N4BP2: variants seen among roughly 807,000 people sequenced by gnomAD.
N4BP2 encodes NEDD4-binding protein 2.
N4BP2 carries 91 observed loss-of-function variants against 152.8 expected under a neutral mutation model. The observed-to-expected ratio is 0.60, with a 90% CI of 0.50 to 0.71. The LOEUF (loss-of-function observed/expected upper bound fraction) is 0.71. N4BP2 is among the 30% of genes least tolerant of loss of function. The pLI, the probability that N4BP2 is intolerant of heterozygous loss-of-function variation, is 0.00. For synonymous variants in N4BP2, 646 were observed against 705.3 expected (o/e 0.92, Z 1.33); for missense variants, 1,923 against 2,059.1 (o/e 0.93, Z 1.28).
rs865810469 is a variant in N4BP2, at chr4:40,091,330, C to T, written c.-114-5897C>T. Among the ~76,000 whole-genome samples, 4 of 151,986 alleles carry T rather than the reference C, an allele frequency of 2.6e-5. No individual in the cohort carries two copies. The South Asian group carries it at 8.3e-4, about 32-fold the overall frequency. On this transcript the variant is annotated intron_variant, in intron 2 of 17. Transcript: ENST00000261435. ...AAAATTGGTGAGAGTAGATATCTTG[C>T]CTTTTTCCTGATGTTAGGAGGAAAG...
chr4:40,176,877 C>T, the N4BP2 span, among the ~76,000 whole-genome samples: 1 of 152,202 alleles, frequency 6.6e-6, no homozygotes, highest in Non-Finnish European at 1.5e-5. Flanking sequence ...GTGCGGGAAG[C>T]GCTCTAGCAG....
At position 40,121,358 on chromosome 4, in the gene N4BP2, C is replaced by A. The variant is rs1717891228; in HGVS notation, c.3247C>A (p.Leu1083Ile). 6.2e-7 allele frequency: 1 copy of A among 1,613,532 alleles called. No individual in the cohort carries two copies. The highest frequency in any genetic ancestry group is 1.7e-5 in the Admixed American group (1 of 59,874). ...AAGCACGTTTGTTGAAGAAAGTGAG[C>A]TTACCAGTGCAGATGAATCTGAAAA... is the stretch of plus-strand genomic sequence containing the variant. The part of the protein sequence containing the change: ...DKSTFVEESE[L>I]TSADESENLN... The change falls in exon 9 of 18, where the codon CTT (leucine) becomes ATT (isoleucine). Residue 1083 changes from leucine to isoleucine, a missense_variant. Leu to Ile is a conservative substitution (Grantham distance 5, BLOSUM62 2). Coordinates refer to ENST00000261435, the MANE Select transcript of N4BP2 (RefSeq NM_018177.6).
intron 16 of N4BP2, among the ~76,000 whole-genome samples, chr4:40,148,707 C>T (rs1459428420): frequency 6.6e-6 from 1 of 152,108 alleles, no homozygotes; most frequent in East Asian, 1.9e-4. Context: ...TTAGACTGGT[C>T]TCGAACTTCT....
chr4:40,069,910 G>A (rs762676633), intron 1 of N4BP2, among the ~76,000 whole-genome samples: 3 of 152,040 alleles, frequency 2.0e-5, no homozygotes, highest in Non-Finnish European at 4.4e-5. Context: ...GTGAGACCCT[G>A]TCTCTTAAAA....
Position 40,157,892 on chromosome 4 carries a change from T to G in N4BP2, c.*3655T>G, listed in dbSNP as rs1294382275. ...AATAGAGAAACAAGGCTAGAACACA[T>G]CTACATCCTGAAGAGCCGTTTATAA... On this transcript the variant is annotated 3_prime_UTR_variant, in exon 18 of 18. Coordinates refer to ENST00000261435, the MANE Select transcript of N4BP2 (RefSeq NM_018177.6). 3 of 152,190 alleles carry G rather than the reference T, an allele frequency of 2.0e-5. No homozygotes were observed. The highest frequency in any genetic ancestry group is 4.4e-5 in the Non-Finnish European group (3 of 68,022). The allele number at this position is 152,190 out of a possible 1,614,324, so 9.4% of individuals were successfully genotyped here.
chr4:40,091,965 G>C (rs1426192919), intron 2 of N4BP2, among the ~76,000 whole-genome samples: 3 of 97,650 alleles, frequency 3.1e-5, no homozygotes, highest in African/African-American at 8.0e-5. Context: ...CTGGGTGATA[G>C]AGCAAGACCT....
chr4:40,137,440 T>A lies in N4BP2; in HGVS notation c.4785+358T>A, dbSNP rs1254267655. On this transcript the variant is annotated intron_variant, in intron 14 of 17. Coordinates refer to ENST00000261435, the MANE Select transcript of N4BP2 (RefSeq NM_018177.6). The stretch of plus-strand genomic sequence containing the variant: ...GAAAGTGCCAAATTTTTTCCCAAAG[T>A]GGCTCTACCATTTTATATTTCCACT... 2.0e-5 allele frequency among the ~76,000 whole-genome samples: 3 copies of A among 152,210 alleles called. No individual in the cohort carries two copies. The East Asian group carries it at 5.8e-4, about 29-fold the overall frequency.
downstream of N4BP2, among the ~76,000 whole-genome samples, chr4:40,159,762 TAGC>T (rs1307875724): frequency 6.6e-6 from 1 of 152,234 alleles, no homozygotes; most frequent in Non-Finnish European, 1.5e-5. Flanking sequence ...GGAGAATGAA[TAGC>T]AGTCTCTGCC....
intron 1 of N4BP2, among the ~76,000 whole-genome samples, chr4:40,064,635 G>C (rs1006456856): frequency 2.6e-5 from 4 of 152,206 alleles, no homozygotes; most frequent in African/African-American, 9.7e-5. Flanking sequence ...GATGCTTACA[G>C]ACTAGTAGTC....
rs373337322 is a variant in N4BP2 at position 40,122,020 on chromosome 4, T to A, written c.3909T>A (p.Ile1303=). ...STSNLELNEE[I]YFTDSLEIKR... Reference sequence around the variant, plus strand: ...CAAATCTTGAATTAAATGAAGAAATTTATTTTACTGATTCTCTTGAAATAA... The same window carrying A: ...CAAATCTTGAATTAAATGAAGAAATATATTTTACTGATTCTCTTGAAATAA... Residue 1303 remains isoleucine (I), a synonymous_variant, in exon 9 of 18, where the codon ATT becomes ATA. Coordinates refer to ENST00000261435, the MANE Select transcript of N4BP2 (RefSeq NM_018177.6). 1.7e-4 allele frequency: 262 copies of A among 1,543,100 alleles called. No individual in the cohort carries two copies. Among genetic ancestry groups the A allele is most frequent in the Non-Finnish European group, 2.2e-4 (250 of 1,142,006 alleles).
intron 1 of N4BP2, among the ~76,000 whole-genome samples, chr4:40,064,093 G>A (rs182431087): frequency 1.7e-3 from 263 of 152,054 alleles, no homozygotes; most frequent in African/African-American, 6.2e-3. Context: ...ACTATGCCTG[G>A]CCTCATCCAC....
intron 2 of N4BP2, among the ~76,000 whole-genome samples, chr4:40,086,229 A>G (rs1156714788): frequency 6.6e-6 from 1 of 150,606 alleles, no homozygotes; most frequent in African/African-American, 2.4e-5. Context: ...AACCTGGATT[A>G]CAGGTGTGAA....
chr4:40,156,807 C>T lies in N4BP2; in HGVS notation c.*2570C>T, dbSNP rs1721633807. ...AGACATGATGCTCAAAGGAAATACT[C>T]ACAGAGCATTTTACATTTGTAGGTT... On this transcript the variant is annotated 3_prime_UTR_variant, in exon 18 of 18. Transcript: ENST00000261435. The T allele has an allele frequency of 6.6e-6, 1 of 152,078 alleles. No individual in the cohort carries two copies. Among genetic ancestry groups the T allele is most frequent in the African/African-American group, 2.4e-5 (1 of 41,418 alleles). 9.4% of individuals were successfully genotyped at this position (152,078 alleles called of 1,614,324 possible). A position where few individuals can be genotyped will look rare whatever the true frequency, so the allele number is the denominator to read the frequency against.
At chr4:40,067,036 A>G (rs75895961) in intron 1 of N4BP2, among the ~76,000 whole-genome samples, 3,037 of 149,226 alleles carry the variant, frequency 0.02, 110 homozygotes, top group African/African-American at 0.07. Flanking sequence ...TCCATGTTGC[A>G]GCATATGACC....
chr4:40,185,578 G>A, the N4BP2 span, among the ~76,000 whole-genome samples: 1 of 151,350 alleles, frequency 6.6e-6, no homozygotes, highest in Non-Finnish European at 1.5e-5. Flanking sequence ...TTTTGTTTTT[G>A]GTAAACATTT....
At chr4:40,153,161 T>G (rs1464888101) in intron 17 of N4BP2, among the ~76,000 whole-genome samples, 1 of 152,228 alleles carries the variant, frequency 6.6e-6, no homozygotes, top group Non-Finnish European at 1.5e-5. Context: ...AAACCAGAAA[T>G]AAGGAAAAAT....
chr4:40,136,869 A>C, intron 13 of N4BP2, 75 bp from the exon 14 acceptor site: 1 of 1,094,564 alleles, frequency 9.1e-7, no homozygotes, highest in Non-Finnish European at 1.3e-6. Context: ...AGATGTTTGA[A>C]GATTGCTTGT....
the N4BP2 span, among the ~76,000 whole-genome samples, chr4:40,184,016 T>A: frequency 2.6e-5 from 4 of 152,146 alleles, no homozygotes; most frequent in Non-Finnish European, 5.9e-5. Context: ...GAGGACTGGG[T>A]CACACAGCCA....
intron 12 of N4BP2, among the ~76,000 whole-genome samples, chr4:40,127,660 T>A (rs1027987235): frequency 7.9e-5 from 12 of 151,330 alleles, no homozygotes; most frequent in Middle Eastern, 3.2e-3. Context: ...TCTGAGAAAA[T>A]ATATATATAT....
Sources: gnomAD v4.1 joint callset for allele counts (sites outside exome capture counted in the v4.1 genomes callset) on GRCh38, gnomAD v4.1.1 for gene constraint, MANE v1.5 for transcripts, NCBI Gene and HGNC (gene_info 2026-07-23, HGNC 2026-07-21) for gene names.